The following FARP1 variants were observed in gnomAD, a reference collection of about 807,000 sequenced individuals.
The protein encoded by FARP1 is FERM, ARH/RhoGEF and pleckstrin domain protein 1.
Under a neutral mutation model 128.8 loss-of-function variants are expected in FARP1, and 52 were observed. The observed-to-expected ratio is 0.40, with a 90% CI of 0.32 to 0.51. FARP1 has a LOEUF of 0.51. Among genes scored for constraint, FARP1 ranks in the 20% least tolerant of loss-of-function variants. The pLI is 0.45. For synonymous variants in FARP1, 580 were observed against 551.8 expected (o/e 1.05, Z -0.72); for missense variants, 1,333 against 1,367.9 (o/e 0.97, Z 0.40).
chr13:98,218,810 G>A (rs557040745), intron 2 of FARP1, among the ~76,000 whole-genome samples: 2 of 152,244 alleles, frequency 1.3e-5, no homozygotes, highest in South Asian at 2.1e-4. Flanking sequence ...AATGGAAGAC[G>A]GAAAGAAATA....
At chr13:98,405,798 G>C (rs1890948581) in intron 13 of FARP1, 1 of 152,096 alleles carries the variant, frequency 6.6e-6, no homozygotes, top group Non-Finnish European at 1.5e-5. Flanking sequence ...GCATTAATTT[G>C]TCATAAAGGG....
intron 2 of FARP1, among the ~76,000 whole-genome samples, chr13:98,324,944 C>A (rs570704437): frequency 6.6e-6 from 1 of 152,310 alleles, no homozygotes; most frequent in South Asian, 2.1e-4. Flanking sequence ...TTGAGGGATT[C>A]TGTTTGTTGG....
At chr13:98,327,613 T>C (rs1319308376) in intron 2 of FARP1, among the ~76,000 whole-genome samples, 2 of 152,198 alleles carry the variant, frequency 1.3e-5, no homozygotes, top group Non-Finnish European at 2.9e-5. Flanking sequence ...TAAAGGGAAC[T>C]GAAGTTTCTG....
chr13:98,160,021 T>C (rs1178603097), intron 1 of FARP1, among the ~76,000 whole-genome samples: 1 of 152,244 alleles, frequency 6.6e-6, no homozygotes. Context: ...GTCTTAAAGA[T>C]GTACTTTAGC....
intron 13 of FARP1, chr13:98,395,770 T>C: frequency 2.4e-6 from 1 of 415,932 alleles, no homozygotes; most frequent in Non-Finnish European, 4.2e-6. Context: ...AGACATCACC[T>C]TTGATATGAG....
rs945546456 is a variant in FARP1, at chr13:98,449,646, G to T, written c.*1329G>T. 1 of 152,600 alleles carries T rather than the reference G, an allele frequency of 6.6e-6. No homozygotes were observed. The highest frequency in any genetic ancestry group is 6.5e-5 in the Admixed American group (1 of 15,280). 9.5% of individuals were successfully genotyped at this position (152,600 alleles called of 1,614,324 possible). ...AACAAACAGCAACTTGCAAACGGAC[G>T]AAGAGCCTGCCGTGTGTTAATCATT... On this transcript the variant is annotated 3_prime_UTR_variant, in exon 27 of 27. Transcript: ENST00000319562.
At chr13:98,178,188 AATT>A (rs1440681860) in intron 1 of FARP1, among the ~76,000 whole-genome samples, 3 of 116,752 alleles carry the variant, frequency 2.6e-5, no homozygotes, top group Non-Finnish European at 3.5e-5. Flanking sequence ...AATCATTTTT[AATT>A]TTTTTTTTTT....
intron 17 of FARP1, among the ~76,000 whole-genome samples, chr13:98,426,127 A>G (rs542476357): frequency 6.6e-6 from 1 of 152,294 alleles, no homozygotes; most frequent in East Asian, 1.9e-4. Context: ...TGAAATTACC[A>G]TTAGGGTTTG....
intron 19 of FARP1, among the ~76,000 whole-genome samples, chr13:98,438,275 G>A (rs765892149): frequency 1.6e-4 from 25 of 152,074 alleles, no homozygotes; most frequent in Non-Finnish European, 2.8e-4. Flanking sequence ...TTCAATCATG[G>A]AGAAGCTTCC....
chr13:98,204,572 C>T (rs995489427), intron 1 of FARP1, among the ~76,000 whole-genome samples: 15 of 109,504 alleles, frequency 1.4e-4, no homozygotes, highest in African/African-American at 3.9e-4. Flanking sequence ...TTCATTCTTT[C>T]ACCATTTACC....
rs1893335721 is a variant in FARP1 at position 98,454,107 on chromosome 13, T to C, written c.*5790T>C. 6.6e-6 allele frequency: 1 copy of C among 152,182 alleles called. No homozygotes were observed. Among genetic ancestry groups the C allele is most frequent in the African/African-American group, 2.4e-5 (1 of 41,436 alleles). 9.4% of individuals were successfully genotyped at this position (152,182 alleles called of 1,614,324 possible). A position where few individuals can be genotyped will look rare whatever the true frequency, so the allele number is the denominator to read the frequency against. On this transcript the variant is annotated 3_prime_UTR_variant, in exon 27 of 27. Transcript: ENST00000319562. ...AACAACTTCTGTATCCTAAATTAAGTACTATAGAAATTCTAAAAAATCTTC... is the reference window on the plus strand; with the variant it reads ...AACAACTTCTGTATCCTAAATTAAGCACTATAGAAATTCTAAAAAATCTTC...
chr13:98,387,629 G>A (rs1314566847), intron 8 of FARP1, among the ~76,000 whole-genome samples: 3 of 152,132 alleles, frequency 2.0e-5, no homozygotes, highest in Non-Finnish European at 2.9e-5. Context: ...GTTGGTATCC[G>A]GCAGCTCCCC....
intron 3 of FARP1, among the ~76,000 whole-genome samples, chr13:98,351,017 C>G (rs1888397258): frequency 7.0e-6 from 1 of 142,108 alleles, no homozygotes; most frequent in East Asian, 1.9e-4. Flanking sequence ...CCCAGCCTCG[C>G]CTCCCCTGCC....
At chr13:98,336,924 A>G (rs1887768675) in intron 2 of FARP1, among the ~76,000 whole-genome samples, 1 of 152,244 alleles carries the variant, frequency 6.6e-6, no homozygotes. Flanking sequence ...AAAATAGAAC[A>G]TTATAGTGAC....
At position 98,405,532 on chromosome 13, in the gene FARP1, G is replaced by A. The variant is rs534179690; in HGVS notation, c.1415-3806G>A. ...ATGGCAGGGTGGCGGGAGGGGTCAT[G>A]AAATCATGGGGAAGAGGTGAAGGAT... is the stretch of plus-strand genomic sequence containing the variant. On this transcript the variant is annotated intron_variant, in intron 13 of 26. Transcript: ENST00000319562. 1.1e-4 allele frequency: 17 copies of A among 152,310 alleles called. No homozygotes were observed. The East Asian group carries it at 2.1e-3, about 19-fold the overall frequency. The allele number at this position is 152,310 out of a possible 1,614,324, so 9.4% of individuals were successfully genotyped here.
At chr13:98,284,488 C>G (rs1282829513) in intron 2 of FARP1, among the ~76,000 whole-genome samples, 1 of 152,166 alleles carries the variant, frequency 6.6e-6, no homozygotes, top group Non-Finnish European at 1.5e-5. Context: ...GACATTTGAT[C>G]CCCAAGAACT....
At chr13:98,447,950 C>A in intron 26 of FARP1, 1 of 472,278 alleles carries the variant, frequency 2.1e-6, no homozygotes, top group Non-Finnish European at 3.8e-6. Context: ...GTAGCGTTCT[C>A]CCCAGCAACC....
At chr13:98,304,920 A>G (rs1464775722) in intron 2 of FARP1, among the ~76,000 whole-genome samples, 1 of 152,172 alleles carries the variant, frequency 6.6e-6, no homozygotes, top group African/African-American at 2.4e-5. Context: ...ACAAAGAAAT[A>G]CACTTGAATT....
chr13:98,286,333 G>A lies in FARP1; in HGVS notation c.172-57429G>A, dbSNP rs148754733. Among the ~76,000 whole-genome samples, 390 of 152,222 alleles carry A rather than the reference G, an allele frequency of 2.6e-3. 4 individuals are homozygous for A. The highest frequency in any genetic ancestry group is 8.8e-3 in the African/African-American group (364 of 41,524). On this transcript the variant is annotated intron_variant, in intron 2 of 26. Transcript: ENST00000319562. ...CCCTTAGTATCTGTCCCCTTGATAT[G>A]GTTTGGCTGTGTCCCCACCTAAATC...
Sources: gnomAD v4.1 joint callset for allele counts (sites outside exome capture counted in the v4.1 genomes callset) on GRCh38, gnomAD v4.1.1 for gene constraint, MANE v1.5 for transcripts, NCBI Gene and HGNC (gene_info 2026-07-23, HGNC 2026-07-21) for gene names.